Variants in ENOX1 observed in about 807,000 individuals in gnomAD.
ENOX1 encodes the protein ecto-NOX disulfide-thiol exchanger 1, also known as candidate growth-related and time keeping constitutive hydroquinone (NADH) oxidase.
A neutral mutation model predicts 82.5 loss-of-function variants in ENOX1; 42 were observed. The observed-to-expected ratio is 0.51, with a 90% CI of 0.40 to 0.66. ENOX1 has a LOEUF of 0.66. ENOX1 is among the 30% of genes least tolerant of loss of function. The pLI, the probability that ENOX1 is intolerant of heterozygous loss-of-function variation, is 0.00. For missense variants in ENOX1, 608 were observed against 811.6 expected, an observed-to-expected ratio of 0.75 and a Z score of 3.05; for synonymous variants, 271 against 282.2, an observed-to-expected ratio of 0.96 and a Z score of 0.40.
intron 8 of ENOX1, among the ~76,000 whole-genome samples, chr13:43,345,333 T>C (rs1212814832): frequency 6.6e-6 from 1 of 152,238 alleles, no homozygotes; most frequent in Non-Finnish European, 1.5e-5. Context: ...TAATACCATA[T>C]ATTTAATTAG....
chr13:43,371,514 TAAA>T lies in ENOX1; in HGVS notation c.209-10065_209-10063del, dbSNP rs1482199716. Among the ~76,000 whole-genome samples, 4 of 152,236 alleles carry T rather than the reference TAAA, an allele frequency of 2.6e-5. No individual in the cohort carries two copies. The East Asian group carries it at 7.7e-4, about 29-fold the overall frequency. On this transcript the variant is annotated intron_variant, in intron 5 of 16. Transcript: ENST00000690772. ...AGCAGAGATGGTAATTCACAGCATGTAAATGTCTTTATAGGAAACTTCCCTTTG... is the reference window on the plus strand; with the variant it reads ...AGCAGAGATGGTAATTCACAGCATGTTGTCTTTATAGGAAACTTCCCTTTG...
At chr13:43,748,966 T>A (rs1950169366) in intron 1 of ENOX1, among the ~76,000 whole-genome samples, 1 of 152,168 alleles carries the variant, frequency 6.6e-6, no homozygotes, top group Admixed American at 6.5e-5. Flanking sequence ...GTTACTTAAT[T>A]TCTCTGAGGT....
chr13:43,371,877 C>A (rs550187956), intron 5 of ENOX1, among the ~76,000 whole-genome samples: 1 of 152,122 alleles, frequency 6.6e-6, no homozygotes, highest in Admixed American at 6.5e-5. Flanking sequence ...CTAAAGAGAA[C>A]TGCAAATTGT....
chr13:43,336,016 G>A (rs1240404683), intron 9 of ENOX1, among the ~76,000 whole-genome samples: 2 of 152,178 alleles, frequency 1.3e-5, no homozygotes, highest in Non-Finnish European at 2.9e-5. Context: ...CAATTTTGAG[G>A]AGAAATAGAA....
At chr13:43,597,933 C>T (rs1043593405) in intron 2 of ENOX1, among the ~76,000 whole-genome samples, 3 of 152,182 alleles carry the variant, frequency 2.0e-5, no homozygotes, top group Non-Finnish European at 4.4e-5. Flanking sequence ...CCGAATGGTA[C>T]CAGCTTAGCA....
intron 14 of ENOX1, among the ~76,000 whole-genome samples, chr13:43,242,296 T>A (rs932495149): frequency 2.6e-5 from 4 of 152,262 alleles, no homozygotes; most frequent in Non-Finnish European, 5.9e-5. Flanking sequence ...TCCTGTTTAG[T>A]CTTCACTGGC....
chr13:43,534,596 A>G (rs966611626), intron 2 of ENOX1, among the ~76,000 whole-genome samples: 12 of 152,162 alleles, frequency 7.9e-5, no homozygotes, highest in East Asian at 3.9e-4. Flanking sequence ...TGATGCTTTT[A>G]GTCTCTTTGC....
At chr13:43,370,828 C>T (rs562101430) in intron 5 of ENOX1, among the ~76,000 whole-genome samples, 1 of 152,184 alleles carries the variant, frequency 6.6e-6, no homozygotes, top group East Asian at 1.9e-4. Context: ...AATTTAGGTC[C>T]TCATTCGCTC....
chr13:43,357,072 A>C (rs2050203327), intron 7 of ENOX1, among the ~76,000 whole-genome samples: 1 of 152,214 alleles, frequency 6.6e-6, no homozygotes, highest in Admixed American at 6.5e-5. Context: ...CTTCAAATGA[A>C]GAAGAGTTGA....
intron 1 of ENOX1, among the ~76,000 whole-genome samples, chr13:43,762,439 TCA>T (rs1388877468): frequency 2.6e-5 from 4 of 152,258 alleles, no homozygotes; most frequent in African/African-American, 7.2e-5. Flanking sequence ...ATCAATTTTC[TCA>T]CATATATAGT....
intron 1 of ENOX1, among the ~76,000 whole-genome samples, chr13:43,695,799 C>T (rs2086613805): frequency 6.6e-6 from 1 of 152,112 alleles, no homozygotes; most frequent in Admixed American, 6.6e-5. Context: ...AAATATGATC[C>T]TCATACCCTA....
chr13:43,226,393 A>G (rs1479854874), intron 15 of ENOX1, among the ~76,000 whole-genome samples: 2 of 152,238 alleles, frequency 1.3e-5, no homozygotes, highest in Non-Finnish European at 2.9e-5. Context: ...TTGCATGGCC[A>G]TCACCTCAGA....
chr13:43,382,076 T>C (rs2052086167), intron 5 of ENOX1, among the ~76,000 whole-genome samples: 1 of 152,054 alleles, frequency 6.6e-6, no homozygotes. Flanking sequence ...AGAAAAACTA[T>C]AGACAATATT....
intron 1 of ENOX1, among the ~76,000 whole-genome samples, chr13:43,680,167 T>C (rs2085712244): frequency 6.6e-6 from 1 of 152,250 alleles, no homozygotes; most frequent in Non-Finnish European, 1.5e-5. Flanking sequence ...CCAGTTTTAC[T>C]CTTTATACAG....
chr13:43,607,540 T>C (rs1383212553), intron 2 of ENOX1, among the ~76,000 whole-genome samples: 1 of 152,212 alleles, frequency 6.6e-6, no homozygotes, highest in African/African-American at 2.4e-5. Flanking sequence ...AACCCTGGCT[T>C]GATGTGTGTT....
intron 2 of ENOX1, among the ~76,000 whole-genome samples, chr13:43,549,503 G>C (rs997360913): frequency 6.6e-6 from 1 of 152,154 alleles, no homozygotes; most frequent in Non-Finnish European, 1.5e-5. Context: ...TATATTTTCA[G>C]TTCATCTTCT....
At chr13:43,666,812 C>G (rs899399797) in intron 2 of ENOX1, among the ~76,000 whole-genome samples, 7 of 152,082 alleles carry the variant, frequency 4.6e-5, no homozygotes, top group Admixed American at 4.6e-4. Context: ...AGCTTTGGCT[C>G]AGTTAATGGG....
At chr13:43,596,053 G>T (rs1187498925) in intron 2 of ENOX1, among the ~76,000 whole-genome samples, 5 of 152,150 alleles carry the variant, frequency 3.3e-5, no homozygotes, top group Non-Finnish European at 7.3e-5. Context: ...CAGAAACACA[G>T]ATGTTATACC....
At chr13:43,394,610 G>A (rs76814343) in intron 5 of ENOX1, 5,568 of 152,446 alleles carry the variant, frequency 0.037, 146 homozygotes, top group South Asian at 0.091. Flanking sequence ...AGGCATAGCC[G>A]CTGGCACGAA....
Sources: gnomAD v4.1 joint callset for allele counts (sites outside exome capture counted in the v4.1 genomes callset) on GRCh38, gnomAD v4.1.1 for gene constraint, MANE v1.5 for transcripts, NCBI Gene and HGNC (gene_info 2026-07-23, HGNC 2026-07-21) for gene names.